The following ANKRD26 variants were observed in gnomAD, a reference collection of about 807,000 sequenced individuals.
The protein encoded by ANKRD26 is ankyrin repeat domain 26, also known as ankyrin repeat domain-containing protein 26.
ANKRD26 carries 141 observed loss-of-function variants against 208.7 expected under a neutral mutation model. That is an observed-to-expected ratio of 0.68 (90% confidence interval 0.59 to 0.78). The LOEUF (loss-of-function observed/expected upper bound fraction) is 0.78. Among genes scored for constraint, ANKRD26 ranks in the 30% least tolerant of loss-of-function variants. The pLI is 0.00. For synonymous variants in ANKRD26, 636 were observed against 660.4 expected, an observed-to-expected ratio of 0.96 and a Z score of 0.57; for missense variants, 1,889 against 1,938.7, an observed-to-expected ratio of 0.97 and a Z score of 0.48.
downstream of ANKRD26, among the ~76,000 whole-genome samples, chr10:26,970,623 A>G (rs942382312): frequency 6.6e-6 from 1 of 152,190 alleles, no homozygotes; most frequent in Non-Finnish European, 1.5e-5. Context: ...GGAATTACCC[A>G]GTCTCAGGTA....
At chr10:27,002,216 G>C (rs958372491), downstream of ANKRD26, among the ~76,000 whole-genome samples, 1 of 152,190 alleles carries the variant, frequency 6.6e-6, no homozygotes, top group Non-Finnish European at 1.5e-5. Flanking sequence ...GGAGTCCAAG[G>C]GGGAGTGGGA....
Position 27,040,184 on chromosome 10 carries a change from T to A in ANKRD26, c.2162-6A>T, listed in dbSNP as rs1361686213. Reference sequence around the variant, plus strand: ...TTTCAATAGGCTAACAGAATCTGTATCAGGAAGAAAACAAGATAGAAATAT... The same window carrying A: ...TTTCAATAGGCTAACAGAATCTGTAACAGGAAGAAAACAAGATAGAAATAT... On this transcript the variant is annotated splice_polypyrimidine_tract_variant and splice_region_variant and intron_variant, in intron 20 of 33. Transcript: ENST00000376087. The A allele has an allele frequency of 6.3e-7, 1 of 1,598,408 alleles. No individual in the cohort carries two copies. The highest frequency in any genetic ancestry group is 1.7e-5 in the Admixed American group (1 of 59,800).
intron 32 of ANKRD26, among the ~76,000 whole-genome samples, chr10:27,009,936 C>CA (rs1484746903): frequency 6.6e-6 from 1 of 152,072 alleles, no homozygotes; most frequent in Non-Finnish European, 1.5e-5. Flanking sequence ...AATGTACCAA[C>CA]AAGTTTTGGC....
At chr10:27,006,115 C>T (rs915373773) in intron 33 of ANKRD26, among the ~76,000 whole-genome samples, 1 of 152,136 alleles carries the variant, frequency 6.6e-6, no homozygotes, top group African/African-American at 2.4e-5. Context: ...CAGGGCACTA[C>T]TGGAACACAC....
At chr10:26,992,227 G>A (rs77331378) in intron 5 of ANKRD26, among the ~76,000 whole-genome samples, 3,734 of 152,128 alleles carry the variant, frequency 0.025, 131 homozygotes, top group African/African-American at 0.085. Context: ...TTATGAGTTT[G>A]AGGTCCCAAG....
At chr10:27,022,852 T>A (rs1589229616) in intron 28 of ANKRD26, among the ~76,000 whole-genome samples, 165 bp from the exon 29 acceptor site, 1 of 152,326 alleles carries the variant, frequency 6.6e-6, no homozygotes, top group East Asian at 1.9e-4. Context: ...GAAATTATAA[T>A]CTTAGGTAAA....
At chr10:26,980,001 T>C (rs2183335) in intron 5 of ANKRD26, among the ~76,000 whole-genome samples, 128,518 of 152,080 alleles carry the variant, frequency 0.85, 54,695 homozygotes, top group African/African-American at 0.95. Flanking sequence ...GTTCTGACCA[T>C]GGCCCAATTT....
At chr10:26,996,655 A>G (rs1426209289) in intron 4 of ANKRD26, among the ~76,000 whole-genome samples, 1 of 152,214 alleles carries the variant, frequency 6.6e-6, no homozygotes, top group African/African-American at 2.4e-5. Context: ...ATAATCTTGT[A>G]TGATAGGGAC....
chr10:27,088,551 G>A lies in ANKRD26; in HGVS notation c.639-1942C>T, dbSNP rs189092182. 1.6e-4 allele frequency: 24 copies of A among 152,252 alleles called. 1 individual carries two copies. Among genetic ancestry groups the A allele is most frequent in the Admixed American group, 1.3e-3 (20 of 15,286 alleles). 9.4% of individuals were successfully genotyped at this position (152,252 alleles called of 1,614,324 possible). On this transcript the variant is annotated intron_variant, in intron 4 of 33. Transcript: ENST00000376087. ...ATGGCTTCCTTGTGAGGTACAATCT[G>A]AAAATATTTTAAAAACTTAAGGTAG...
At chr10:27,072,240 C>T (rs1564413471) in intron 9 of ANKRD26, among the ~76,000 whole-genome samples, 1 of 152,210 alleles carries the variant, frequency 6.6e-6, no homozygotes, top group Non-Finnish European at 1.5e-5. Flanking sequence ...CTGCTGCCAG[C>T]AGAACCCTAT....
intron 5 of ANKRD26, among the ~76,000 whole-genome samples, chr10:26,980,306 C>G (rs1254313615): frequency 2.0e-5 from 3 of 152,196 alleles, no homozygotes; most frequent in African/African-American, 7.2e-5. Flanking sequence ...CTTTTGGGGA[C>G]TTGTTGTCAT....
intron 29 of ANKRD26, among the ~76,000 whole-genome samples, chr10:27,019,812 T>C (rs1371268445): frequency 1.3e-5 from 2 of 152,242 alleles, no homozygotes; most frequent in African/African-American, 4.8e-5. Flanking sequence ...ACATTTTTTC[T>C]GCTTATTGCT....
intron 16 of ANKRD26, among the ~76,000 whole-genome samples, 166 bp from the exon 17 acceptor site, chr10:27,049,145 T>A (rs1258206071): frequency 6.6e-6 from 1 of 152,226 alleles, no homozygotes; most frequent in Non-Finnish European, 1.5e-5. Flanking sequence ...AATTGTTATA[T>A]AATTATCAGC....
chr10:27,043,789 T>A lies in ANKRD26; in HGVS notation c.2020-222A>T, dbSNP rs146252145. On this transcript the variant is annotated intron_variant, in intron 19 of 33. Coordinates refer to ENST00000376087, the MANE Select transcript of ANKRD26 (RefSeq NM_014915.3). ...AGATTCTCTTTTTTTTAATTTCATG[T>A]TTTTGTTTTTGTTTTTTTTTGACAT... Among the ~76,000 whole-genome samples the A allele has an allele frequency of 0.033, 5,075 of 152,072 alleles. 92 individuals carry two copies. Among genetic ancestry groups the A allele is most frequent in the Non-Finnish European group, 0.039 (2,641 of 67,972 alleles).
chr10:26,947,726 CT>C, the ANKRD26 span, among the ~76,000 whole-genome samples: 2 of 151,996 alleles, frequency 1.3e-5, no homozygotes, highest in African/African-American at 4.8e-5. Flanking sequence ...CATTGACCTT[CT>C]TTTTTTTGCT....
chr10:27,048,789 C>T lies in ANKRD26; in HGVS notation c.1814+12G>A. ...TAACAATTATCTGCTGTTAAATATG[C>T]TATCAGCTTACCTAGCATACTCTTT... On this transcript the variant is annotated intron_variant, in intron 17 of 33. Transcript: ENST00000376087. 1 of 1,608,422 alleles carries T rather than the reference C, an allele frequency of 6.2e-7. No homozygotes were observed. Among genetic ancestry groups the T allele is most frequent in the African/African-American group, 1.3e-5 (1 of 74,912 alleles).
intron 20 of ANKRD26, among the ~76,000 whole-genome samples, chr10:27,043,164 A>T (rs2054319668): frequency 6.6e-6 from 1 of 151,844 alleles, no homozygotes; most frequent in South Asian, 2.1e-4. Context: ...ACAAAAAAAT[A>T]AAAAATTAAA....
At chr10:27,011,186 A>G (rs879735449) in intron 32 of ANKRD26, among the ~76,000 whole-genome samples, 1 of 152,304 alleles carries the variant, frequency 6.6e-6, no homozygotes, top group South Asian at 2.1e-4. Context: ...ATTAAAATGG[A>G]TATTTTCATA....
downstream of ANKRD26, among the ~76,000 whole-genome samples, chr10:26,970,368 C>T (rs1225065829): frequency 3.3e-5 from 5 of 152,110 alleles, no homozygotes; most frequent in Non-Finnish European, 7.4e-5. Context: ...AGTGTTTTCT[C>T]GTGAGATCTA....
Sources: allele counts gnomAD v4.1 joint callset (sites outside exome capture counted in the v4.1 genomes callset), GRCh38; gene constraint gnomAD v4.1.1; transcripts MANE v1.5; gene names NCBI Gene and HGNC (gene_info 2026-07-23, HGNC 2026-07-21).